Variants in PIEZO2 observed in about 807,000 individuals in gnomAD.
The protein encoded by PIEZO2 is piezo type mechanosensitive ion channel component 2, also known as piezo-type mechanosensitive ion channel component 2.
Under a neutral mutation model 337.3 loss-of-function variants are expected in PIEZO2, and 172 were observed. That is an observed-to-expected ratio of 0.51 (90% confidence interval 0.45 to 0.58). The LOEUF (loss-of-function observed/expected upper bound fraction) is 0.58. PIEZO2 is among the 20% of genes least tolerant of loss of function. The pLI is 0.00. For synonymous variants in PIEZO2, 1,251 were observed against 1,228.5 expected, an observed-to-expected ratio of 1.02 and a Z score of -0.38; for missense variants, 3,028 against 3,391.3, an observed-to-expected ratio of 0.89 and a Z score of 2.66.
At chr18:10,840,510 A>C (rs994537468) in intron 7 of PIEZO2, among the ~76,000 whole-genome samples, 2 of 152,218 alleles carry the variant, frequency 1.3e-5, no homozygotes, top group East Asian at 1.9e-4. Flanking sequence ...ATTAATGTTA[A>C]GTATGATTTC....
At position 10,672,734 on chromosome 18, in the gene PIEZO2, A is replaced by G. The variant is rs2033833607; in HGVS notation, c.8301T>C (p.Asn2767=). The G allele has an allele frequency of 6.2e-7, 1 of 1,614,114 alleles. No homozygotes were observed. The highest frequency in any genetic ancestry group is 1.3e-5 in the African/African-American group (1 of 75,050). ...NSQALELVVF[N]DKVSPPSLGF... is the part of the protein sequence containing the mutation. The stretch of plus-strand genomic sequence containing the variant: ...CCAGACTTGGGGGACTGACTTTGTC[A>G]TTGAAGACCACCAGTTCCAGGGCCT... Residue 2767 remains asparagine (N), a synonymous_variant, in exon 55 of 56, where the codon AAT becomes AAC. Transcript: ENST00000674853. The surrounding 1 kb of genome is among the most constrained non-coding windows in gnomAD (Gnocchi z 4.7).
In PIEZO2 at chr18:10,839,659, T is replaced by C. The variant is rs548633456; in HGVS notation, c.917+15694A>G. 5.1e-4 allele frequency among the ~76,000 whole-genome samples: 77 copies of C among 152,320 alleles called. 1 individual carries two copies. Among genetic ancestry groups the C allele is most frequent in the South Asian group, 8.3e-4 (4 of 4,820 alleles). ...CAACCCTGAAGGGCATGGAGGCTGC[T>C]CACTGAACCCAAGAGAAGATCTCAA... On this transcript the variant is annotated intron_variant, in intron 7 of 55. Transcript: ENST00000674853.
At position 11,144,048 on chromosome 18, in the gene PIEZO2, G is replaced by GT. The variant is rs145578949; in HGVS notation, c.64+4476dup. Among the ~76,000 whole-genome samples the GT allele has an allele frequency of 9.0e-3, 1,377 of 152,322 alleles. 28 individuals carry two copies. The highest frequency in any genetic ancestry group is 0.031 in the African/African-American group (1,275 of 41,568). On this transcript the variant is annotated intron_variant, in intron 1 of 55. Transcript: ENST00000674853. Reference sequence around the variant, plus strand: ...GGGCAGAGCCATGAGGTCAATGAGAGTCTCTTAAACTGCCCAGTGGCAACA... The same window carrying GT: ...GGGCAGAGCCATGAGGTCAATGAGAGTTCTCTTAAACTGCCCAGTGGCAACA...
At chr18:11,084,711 C>G (rs1012269393) in intron 1 of PIEZO2, among the ~76,000 whole-genome samples, 1 of 152,184 alleles carries the variant, frequency 6.6e-6, no homozygotes, top group Non-Finnish European at 1.5e-5. Context: ...AAAAACTCCA[C>G]CAGACATCAT....
At position 11,083,817 on chromosome 18, in the gene PIEZO2, T is replaced by C. The variant is rs1484959086; in HGVS notation, c.65-17595A>G. Among the ~76,000 whole-genome samples, 2 of 152,206 alleles carry C rather than the reference T, an allele frequency of 1.3e-5. No homozygotes were observed. Reference sequence around the variant, plus strand: ...TCCATGTGACAGCCAGCTGTATACTTGTTTGATATCAAAACAACCAGTCTC... The same window carrying C: ...TCCATGTGACAGCCAGCTGTATACTCGTTTGATATCAAAACAACCAGTCTC... On this transcript the variant is annotated intron_variant, in intron 1 of 55. Transcript: ENST00000674853. This position sits in a 1 kb window ranked among gnomAD's most constrained non-coding sequence, Gnocchi z 4.4.
chr18:10,859,007 T>C lies in PIEZO2; in HGVS notation c.493-1796A>G, dbSNP rs187434094. Among the ~76,000 whole-genome samples the C allele has an allele frequency of 6.6e-6, 1 of 152,314 alleles. No individual in the cohort carries two copies. Among genetic ancestry groups the C allele is most frequent in the African/African-American group, 2.4e-5 (1 of 41,564 alleles). ...AGGAAGAGATATAGCAATAAACACGTAAACAAGTAAAATATTAACCAGCTA... is the reference window on the plus strand; with the variant it reads ...AGGAAGAGATATAGCAATAAACACGCAAACAAGTAAAATATTAACCAGCTA... On this transcript the variant is annotated intron_variant, in intron 5 of 55. Transcript: ENST00000674853. This position sits in a 1 kb window ranked among gnomAD's most constrained non-coding sequence, Gnocchi z 4.9.
chr18:11,056,743 A>G (rs982516570), intron 2 of PIEZO2, among the ~76,000 whole-genome samples: 1 of 152,104 alleles, frequency 6.6e-6, no homozygotes, highest in Non-Finnish European at 1.5e-5. Context: ...AAATGGCTCT[A>G]TGTACAACCA....
chr18:10,844,585 C>G (rs1181590081), intron 7 of PIEZO2, among the ~76,000 whole-genome samples: 3 of 151,768 alleles, frequency 2.0e-5, no homozygotes, highest in African/African-American at 7.3e-5. Context: ...TCAGGAGATC[C>G]AGACCATCCT....
chr18:10,794,956 A>G lies in PIEZO2; in HGVS notation c.1574T>C (p.Ile525Thr), dbSNP rs779017622. 4.5e-6 allele frequency: 7 copies of G among 1,547,480 alleles called. No homozygotes were observed. Among genetic ancestry groups the G allele is most frequent in the Non-Finnish European group, 6.1e-6 (7 of 1,147,010 alleles). ...AATCATCCAAAGAGTGCACGACCAG[A>G]TCAGCAGCACGAAGGTCAGCCAGCT... Reference protein sequence around the residue: ...YHSWLTFVLLIWSCTLWMIRN... With the variant: ...YHSWLTFVLLTWSCTLWMIRN... The change falls in exon 13 of 56, where the codon ATC becomes ACC. Residue 525 changes from isoleucine (I) to threonine (T), a missense_variant. Physicochemically the swap from Ile to Thr is moderately conservative, Grantham distance 89 (BLOSUM62 -1). This residue lies in a region of PIEZO2 where 50 missense variants were observed against 88.2 expected (regional missense o/e 0.57). Transcript: ENST00000674853. This position sits in a 1 kb window ranked among gnomAD's most constrained non-coding sequence, Gnocchi z 6.6.
rs1034343722 is a variant in PIEZO2 at position 11,038,791 on chromosome 18, A to G, written c.160+27336T>C. Among the ~76,000 whole-genome samples, 1 of 152,226 alleles carries G rather than the reference A, an allele frequency of 6.6e-6. No homozygotes were observed. The highest frequency in any genetic ancestry group is 6.5e-5 in the Admixed American group (1 of 15,280). On this transcript the variant is annotated intron_variant, in intron 2 of 55. Transcript: ENST00000674853. The surrounding 1 kb of genome is among the most constrained non-coding windows in gnomAD (Gnocchi z 4.1). ...AAATAAAATTAGCTCTATACAACCTATAGGTATAACGGTGAGACACAAATT... is the reference window on the plus strand; with the variant it reads ...AAATAAAATTAGCTCTATACAACCTGTAGGTATAACGGTGAGACACAAATT...
At position 10,813,380 on chromosome 18, in the gene PIEZO2, C is replaced by T. The variant is rs527850664; in HGVS notation, c.918-6106G>A. Among the ~76,000 whole-genome samples the T allele has an allele frequency of 6.6e-6, 1 of 152,306 alleles. No individual in the cohort carries two copies. Among genetic ancestry groups the T allele is most frequent in the East Asian group, 1.9e-4 (1 of 5,184 alleles). ...TTTTTCATCTTGCAAAACTAAAATT[C>T]TGTACACATTAAATAAAAACTCCCT... On this transcript the variant is annotated intron_variant, in intron 7 of 55. Transcript: ENST00000674853. This position sits in a 1 kb window ranked among gnomAD's most constrained non-coding sequence, Gnocchi z 4.2.
At chr18:11,087,651 A>G (rs1188756935) in intron 1 of PIEZO2, among the ~76,000 whole-genome samples, 1 of 152,052 alleles carries the variant, frequency 6.6e-6, no homozygotes, top group Non-Finnish European at 1.5e-5. Context: ...ATCACTCTGC[A>G]TTTTCCTTCC....
chr18:10,753,077 G>T (rs770709024), intron 27 of PIEZO2, among the ~76,000 whole-genome samples, 198 bp from the exon 28 acceptor site: 1 of 152,148 alleles, frequency 6.6e-6, no homozygotes, highest in Admixed American at 6.5e-5. Flanking sequence ...TTTGGAAACC[G>T]TGTATGCTTC....
rs1019161650 is a variant in PIEZO2, at chr18:11,022,087, G to A, written c.161-42427C>T. 3.3e-5 allele frequency among the ~76,000 whole-genome samples: 5 copies of A among 152,302 alleles called. No homozygotes were observed. In the Middle Eastern group the frequency reaches 0.017, roughly 518 times the overall value. On this transcript the variant is annotated intron_variant, in intron 2 of 55. Transcript: ENST00000674853. ...CCTACTCTCACTCAAACAAACGGGC[G>A]CTGCCTAAAATAAGGACTACGAGAG...
At chr18:10,876,781 A>G (rs2042280074) in intron 4 of PIEZO2, among the ~76,000 whole-genome samples, 1 of 152,166 alleles carries the variant, frequency 6.6e-6, no homozygotes, top group African/African-American at 2.4e-5. Context: ...TTTGGAGCCA[A>G]CACTCACTAC....
chr18:10,871,062 G>A (rs1458557540), intron 5 of PIEZO2, among the ~76,000 whole-genome samples, 191 bp downstream of exon 5: 2 of 151,942 alleles, frequency 1.3e-5, no homozygotes, highest in South Asian at 2.1e-4. Context: ...CATGGCTAAG[G>A]TGTGGACCAG....
rs1160547391 is a variant in PIEZO2 at position 11,146,214 on chromosome 18, G to A, written c.64+2311C>T. Among the ~76,000 whole-genome samples, 1 of 152,118 alleles carries A rather than the reference G, an allele frequency of 6.6e-6. No individual in the cohort carries two copies. The highest frequency in any genetic ancestry group is 1.9e-4 in the East Asian group (1 of 5,182). On this transcript the variant is annotated intron_variant, in intron 1 of 55. Coordinates refer to ENST00000674853, the MANE Select transcript of PIEZO2 (RefSeq NM_001378183.1). The surrounding 1 kb of genome is among the most constrained non-coding windows in gnomAD (Gnocchi z 6.1). ...CCTGGGCAGACTCAGCTGTCCCCGA[G>A]GCAAGACGCAGTTTGCATGTTGGCC...
At chr18:11,122,513 A>T (rs10853194) in intron 1 of PIEZO2, among the ~76,000 whole-genome samples, 86,074 of 152,098 alleles carry the variant, frequency 0.57, 27,128 homozygotes, top group Non-Finnish European at 0.7. Context: ...AATATCTTCC[A>T]TCTGATATGG....
rs2039577056 is a variant in PIEZO2, at chr18:10,795,865, C to T, written c.1528-863G>A. Among the ~76,000 whole-genome samples, 1 of 152,100 alleles carries T rather than the reference C, an allele frequency of 6.6e-6. No homozygotes were observed. Among genetic ancestry groups the T allele is most frequent in the Non-Finnish European group, 1.5e-5 (1 of 68,014 alleles). ...TATTTTAAACAAGAATATTAGGTTTCTCAAAAATAAATCAAATTTCCTAAG... is the reference window on the plus strand; with the variant it reads ...TATTTTAAACAAGAATATTAGGTTTTTCAAAAATAAATCAAATTTCCTAAG... On this transcript the variant is annotated intron_variant, in intron 12 of 55. Transcript: ENST00000674853. The surrounding 1 kb of genome is among the most constrained non-coding windows in gnomAD (Gnocchi z 4.4).
Sources: allele counts gnomAD v4.1 joint callset (sites outside exome capture counted in the v4.1 genomes callset), GRCh38; gene constraint gnomAD v4.1.1; regional missense constraint gnomAD v4.1.1; non-coding constraint Gnocchi (gnomAD v3.1); transcripts MANE v1.5; gene names NCBI Gene and HGNC (gene_info 2026-07-23, HGNC 2026-07-21).